The following ARHGAP21 variants were observed in gnomAD, a reference collection of about 807,000 sequenced individuals.
ARHGAP21 encodes Rho GTPase activating protein 21, also known as rho GTPase-activating protein 21.
A neutral mutation model predicts 164.6 loss-of-function variants in ARHGAP21; 38 were observed. The ratio of observed to expected loss-of-function variants is 0.23; its 90% CI spans 0.18 to 0.30. The LOEUF (loss-of-function observed/expected upper bound fraction) is 0.30. Ranked by LOEUF, ARHGAP21 falls within the 10% of genes least tolerant of loss-of-function variation. The pLI is 1.00. For missense variants in ARHGAP21, 1,822 were observed against 2,370.7 expected, an observed-to-expected ratio of 0.77 and a Z score of 4.81; for synonymous variants, 766 against 857.9, an observed-to-expected ratio of 0.89 and a Z score of 1.87.
intron 2 of ARHGAP21, among the ~76,000 whole-genome samples, chr10:24,714,585 C>A (rs1451716248): frequency 6.6e-6 from 1 of 152,168 alleles, no homozygotes; most frequent in Non-Finnish European, 1.5e-5. Flanking sequence ...TTAACCCTAA[C>A]TTGCAGCATA....
intron 2 of ARHGAP21, among the ~76,000 whole-genome samples, chr10:24,678,040 C>G (rs1049808583): frequency 6.6e-6 from 1 of 151,304 alleles, no homozygotes; most frequent in South Asian, 2.1e-4. Flanking sequence ...GGTGGGAGGG[C>G]AGCTTGAGCC....
chr10:24,697,350 G>C (rs1464331569), intron 2 of ARHGAP21, among the ~76,000 whole-genome samples: 2 of 152,082 alleles, frequency 1.3e-5, no homozygotes. Context: ...GAAAAAGAAA[G>C]AGACAAAAAG....
chr10:24,625,278 T>G, intron 7 of ARHGAP21, among the ~76,000 whole-genome samples: 1 of 79,976 alleles, frequency 1.3e-5, no homozygotes, highest in East Asian at 3.0e-4. Context: ...CTATGATAAA[T>G]GGTAAACAAA....
intron 8 of ARHGAP21, among the ~76,000 whole-genome samples, chr10:24,622,449 T>C (rs1488549403): frequency 4.4e-5 from 1 of 22,736 alleles, no homozygotes; most frequent in African/African-American, 2.2e-4. Context: ...TATATATATA[T>C]ATATATATAT....
Position 24,621,069 on chromosome 10 carries a change from C to T in ARHGAP21, c.826G>A (p.Val276Met), listed in dbSNP as rs755953985. ...AAATCTACAACCTTCTCAGAAGGCA[C>T]AATGACAGTCCTTACACTTTCATTG... ...VCNESVRTVIVPSEKVVDLLS... is the reference protein window; with the variant it reads ...VCNESVRTVIMPSEKVVDLLS... Residue 276 changes from valine to methionine, a missense_variant, in exon 9 of 26, where the codon GTG becomes ATG. Coordinates refer to ENST00000396432, the MANE Select transcript of ARHGAP21 (RefSeq NM_020824.4). 3.1e-6 allele frequency: 5 copies of T among 1,613,992 alleles called. No individual in the cohort carries two copies. Among genetic ancestry groups the T allele is most frequent in the South Asian group, 1.1e-5 (1 of 91,074 alleles).
At chr10:24,647,653 C>T (rs1324002097) in intron 4 of ARHGAP21, among the ~76,000 whole-genome samples, 2 of 152,162 alleles carry the variant, frequency 1.3e-5, no homozygotes, top group African/African-American at 2.4e-5. Context: ...TTATTCAACA[C>T]ATTTACTCAG....
intron 2 of ARHGAP21, among the ~76,000 whole-genome samples, chr10:24,693,551 C>T (rs1364039495): frequency 6.6e-6 from 1 of 152,092 alleles, no homozygotes; most frequent in Non-Finnish European, 1.5e-5. Flanking sequence ...TGGGGTTTCA[C>T]CATGTTGACC....
intron 7 of ARHGAP21, among the ~76,000 whole-genome samples, chr10:24,624,706 T>C (rs1174290399): frequency 5.9e-5 from 9 of 152,084 alleles, no homozygotes; most frequent in Non-Finnish European, 1.3e-4. Flanking sequence ...TTGAAACCAA[T>C]GTCATAAGAA....
chr10:24,603,566 T>A (rs1051191438), intron 12 of ARHGAP21, among the ~76,000 whole-genome samples: 3 of 152,024 alleles, frequency 2.0e-5, no homozygotes, highest in Non-Finnish European at 2.9e-5. Flanking sequence ...GGAAAAATGG[T>A]GACTGTGCAG....
At chr10:24,652,729 C>A (rs955865717) in intron 4 of ARHGAP21, among the ~76,000 whole-genome samples, 1 of 152,154 alleles carries the variant, frequency 6.6e-6, no homozygotes, top group African/African-American at 2.4e-5. Context: ...ACTGTACATC[C>A]ACTAGGATGA....
Position 24,592,181 on chromosome 10 carries a change from T to TC in ARHGAP21, c.3877-170dup, listed in dbSNP as rs1554961701. Among the ~76,000 whole-genome samples the TC allele has an allele frequency of 6.3e-3, 531 of 84,772 alleles. 2 individuals carry two copies. Among genetic ancestry groups the TC allele is most frequent in the Middle Eastern group, 0.019 (3 of 154 alleles). The allele number at this position is 84,772 out of a possible 152,430, so 55.6% of individuals were successfully genotyped here. On this transcript the variant is annotated intron_variant, in intron 21 of 25. Coordinates refer to ENST00000396432, the MANE Select transcript of ARHGAP21 (RefSeq NM_020824.4). The stretch of plus-strand genomic sequence containing the variant: ...ATTTTTTTTTTTTTTTTTTTTTTTT[T>TC]CTGAGACAGGGTCTCACGTTCACCC...
chr10:24,697,170 A>C (rs1466664529), intron 2 of ARHGAP21, among the ~76,000 whole-genome samples: 1 of 152,054 alleles, frequency 6.6e-6, no homozygotes, highest in Admixed American at 6.5e-5. Context: ...GAAAGTGATG[A>C]CCCAGATGGG....
chr10:24,690,613 G>A (rs1464875784), intron 2 of ARHGAP21, among the ~76,000 whole-genome samples: 1 of 152,078 alleles, frequency 6.6e-6, no homozygotes, highest in East Asian at 1.9e-4. Flanking sequence ...CACATCACCT[G>A]AGGTGGCGAG....
chr10:24,721,797 C>T, intron 2 of ARHGAP21, 40 bp downstream of exon 2: 18 of 1,609,904 alleles, frequency 1.1e-5, no homozygotes, highest in Non-Finnish European at 1.5e-5. Flanking sequence ...AAGACACAGG[C>T]CACCGCCCTG....
chr10:24,689,006 C>T (rs1338063922), intron 2 of ARHGAP21, among the ~76,000 whole-genome samples: 1 of 151,964 alleles, frequency 6.6e-6, no homozygotes, highest in Non-Finnish European at 1.5e-5. Flanking sequence ...GAGGCAAGGG[C>T]GTTTGTACAG....
chr10:24,591,443 T>C (rs2076326130), intron 23 of ARHGAP21, 113 bp from the exon 24 acceptor site: 1 of 1,083,164 alleles, frequency 9.2e-7, no homozygotes, highest in East Asian at 2.4e-5. Context: ...GTGCTTAATG[T>C]GTTTACATTG....
intron 2 of ARHGAP21, among the ~76,000 whole-genome samples, chr10:24,678,688 T>TTTTGTTTG (rs553824280): frequency 2.6e-5 from 4 of 151,962 alleles, no homozygotes; most frequent in African/African-American, 9.7e-5. Flanking sequence ...TTTTGAGGGT[T>TTTTGTTTG]TTTGTTTGTT....
At chr10:24,659,266 A>G in intron 4 of ARHGAP21, among the ~76,000 whole-genome samples, 1 of 152,216 alleles carries the variant, frequency 6.6e-6, no homozygotes, top group East Asian at 1.9e-4. Context: ...TTGTCCAAAG[A>G]AGATATACAA....
At chr10:24,686,306 G>C (rs1842201247) in intron 2 of ARHGAP21, among the ~76,000 whole-genome samples, 1 of 152,092 alleles carries the variant, frequency 6.6e-6, no homozygotes, top group Non-Finnish European at 1.5e-5. Context: ...GCATGCATCT[G>C]TGGTCCAAGC....
Sources: allele counts gnomAD v4.1 joint callset (sites outside exome capture counted in the v4.1 genomes callset), GRCh38; gene constraint gnomAD v4.1.1; transcripts MANE v1.5; gene names NCBI Gene and HGNC (gene_info 2026-07-23, HGNC 2026-07-21).